Variants in NLGN4X observed in about 807,000 individuals in gnomAD.
The protein encoded by NLGN4X is neuroligin 4 X-linked.
NLGN4X carries 3 observed loss-of-function variants against 40.3 expected under a neutral mutation model. The ratio of observed to expected loss-of-function variants is 0.07; its 90% confidence interval spans 0.03 to 0.19. NLGN4X has a LOEUF of 0.19. Among genes scored for constraint, NLGN4X ranks in the 10% least tolerant of loss-of-function variants. The probability of loss-of-function intolerance (pLI) is 1.00; values close to 1 mark genes in which losing one functional copy is unlikely to be tolerated. For synonymous variants in NLGN4X, 270 were observed against 306.8 expected (o/e 0.88, Z 1.25); for missense variants, 382 against 708.3 (o/e 0.54, Z 5.23).
intron 3 of NLGN4X, among the ~76,000 whole-genome samples, chrX:5,986,955 C>T (rs1039568637): frequency 6.3e-5 from 7 of 112,000 alleles, no homozygotes; most frequent in African/African-American, 1.6e-4. Flanking sequence ...AAGATTTGAA[C>T]CAGCAATTCC....
intron 2 of NLGN4X, among the ~76,000 whole-genome samples, chrX:6,144,354 T>C (rs1405074796): frequency 1.8e-5 from 2 of 111,217 alleles, no homozygotes; most frequent in Admixed American, 1.9e-4. Context: ...AGAGTAATAC[T>C]TCATTATGAA....
intron 2 of NLGN4X, among the ~76,000 whole-genome samples, chrX:6,137,594 C>T (rs1394122206): frequency 1.8e-5 from 2 of 111,439 alleles, no homozygotes; most frequent in Non-Finnish European, 3.8e-5. Context: ...GAAATTGATT[C>T]CTCTAAAGCT....
intron 2 of NLGN4X, among the ~76,000 whole-genome samples, chrX:6,127,220 T>C (rs2039573983): frequency 9.0e-6 from 1 of 111,647 alleles, no homozygotes; most frequent in Non-Finnish European, 1.9e-5. Flanking sequence ...CAACTTCACA[T>C]AAGGACTCCA....
chrX:5,974,871 T>A (rs1601979926), intron 3 of NLGN4X, among the ~76,000 whole-genome samples: 1 of 112,255 alleles, frequency 8.9e-6, no homozygotes, highest in South Asian at 3.7e-4. Context: ...TATGCCAGCA[T>A]CACTACTCTT....
At chrX:5,926,488 T>C (rs2033322387) in intron 3 of NLGN4X, among the ~76,000 whole-genome samples, 1 of 110,416 alleles carries the variant, frequency 9.1e-6, no homozygotes, top group Non-Finnish European at 1.9e-5. Context: ...ATAGGAAAAG[T>C]GGGAAAAAAT....
At chrX:6,224,238 A>C (rs1166135269) in intron 1 of NLGN4X, among the ~76,000 whole-genome samples, 11 of 112,957 alleles carry the variant, frequency 9.7e-5, no homozygotes, top group Non-Finnish European at 1.9e-5. Flanking sequence ...GTATTACAAA[A>C]GGTTTGAAAT....
intron 2 of NLGN4X, among the ~76,000 whole-genome samples, chrX:6,114,700 T>C (rs181304330): frequency 1.8e-5 from 2 of 111,467 alleles, no homozygotes; most frequent in East Asian, 5.6e-4. Context: ...ATACATACAA[T>C]CATTAAAAAG....
chrX:5,937,043 T>C (rs1249827441), intron 3 of NLGN4X, among the ~76,000 whole-genome samples: 1 of 111,320 alleles, frequency 9.0e-6, no homozygotes, highest in African/African-American at 3.3e-5. Flanking sequence ...CAGTTAAATC[T>C]AATAAACACC....
chrX:5,924,186 T>A lies in NLGN4X; in HGVS notation c.626-14947A>T, dbSNP rs2033182787. On this transcript the variant is annotated intron_variant, in intron 3 of 5. Transcript: ENST00000381095. Reference sequence around the variant, plus strand: ...GACTTCTGGTCAGCGAAGATGTATCTGGGTCCACAGCAATTTGCTGAATAT... The same window carrying A: ...GACTTCTGGTCAGCGAAGATGTATCAGGGTCCACAGCAATTTGCTGAATAT... Among the ~76,000 whole-genome samples, 3 of 111,668 alleles carry A rather than the reference T, an allele frequency of 2.7e-5. No individual in the cohort carries two copies. In the Admixed American group the frequency reaches 2.9e-4, roughly 11 times the overall value.
chrX:6,185,477 GAAC>G (rs1439460369), intron 1 of NLGN4X, among the ~76,000 whole-genome samples: 1 of 111,747 alleles, frequency 8.9e-6, no homozygotes, highest in East Asian at 2.8e-4. Flanking sequence ...GTGTGGCAGA[GAAC>G]AACATGCCAG....
intron 2 of NLGN4X, among the ~76,000 whole-genome samples, chrX:6,075,039 C>T (rs1450615586): frequency 2.7e-5 from 3 of 111,683 alleles, no homozygotes; most frequent in African/African-American, 9.8e-5. Flanking sequence ...GTGGTAACAG[C>T]AAAGAGAACT....
At chrX:6,214,812 T>A (rs1924922781) in intron 1 of NLGN4X, among the ~76,000 whole-genome samples, 1 of 112,146 alleles carries the variant, frequency 8.9e-6, no homozygotes, top group Admixed American at 9.4e-5. Flanking sequence ...CTGAAAAAGA[T>A]CTTATCCTTT....
At chrX:6,073,067 A>G (rs1023780156) in intron 2 of NLGN4X, among the ~76,000 whole-genome samples, 10 of 112,226 alleles carry the variant, frequency 8.9e-5, no homozygotes, top group African/African-American at 2.9e-4. Context: ...TACTTCAGCT[A>G]TAACATCCAA....
At chrX:5,945,467 T>C (rs1407792899) in intron 3 of NLGN4X, among the ~76,000 whole-genome samples, 1 of 112,120 alleles carries the variant, frequency 8.9e-6, no homozygotes. Context: ...GAATGCCTTG[T>C]TGGTCAGCCT....
At chrX:6,214,048 C>A (rs1924851278) in intron 1 of NLGN4X, among the ~76,000 whole-genome samples, 1 of 111,911 alleles carries the variant, frequency 8.9e-6, no homozygotes, top group Non-Finnish European at 1.9e-5. Flanking sequence ...AGCTGTTTGA[C>A]AAACCATAAT....
At chrX:5,895,181 C>A (rs1365385036) in intron 5 of NLGN4X, among the ~76,000 whole-genome samples, 1 of 112,250 alleles carries the variant, frequency 8.9e-6, no homozygotes, top group East Asian at 2.8e-4. Flanking sequence ...AAATCATTTC[C>A]CTGTATTCAA....
intron 3 of NLGN4X, among the ~76,000 whole-genome samples, chrX:6,020,114 GA>G: frequency 9.0e-6 from 1 of 111,602 alleles, no homozygotes; most frequent in Non-Finnish European, 1.9e-5. Context: ...TTTGGGATTG[GA>G]AAAAAGAAGT....
chrX:6,189,137 G>T (rs1922329880), intron 1 of NLGN4X, among the ~76,000 whole-genome samples: 1 of 112,197 alleles, frequency 8.9e-6, no homozygotes, highest in East Asian at 2.8e-4. Context: ...AGCAGAGCTG[G>T]ATTACAGCAT....
chrX:6,210,301 T>C (rs1924483693), intron 1 of NLGN4X, among the ~76,000 whole-genome samples: 1 of 108,457 alleles, frequency 9.2e-6, no homozygotes, highest in Non-Finnish European at 1.9e-5. Context: ...CAACAAAAGC[T>C]ACCTTCTGAC....
Sources: gnomAD v4.1 joint callset for allele counts (sites outside exome capture counted in the v4.1 genomes callset) on GRCh38, gnomAD v4.1.1 for gene constraint, MANE v1.5 for transcripts, NCBI Gene and HGNC (gene_info 2026-07-23, HGNC 2026-07-21) for gene names.